The following MED12L variants were observed in gnomAD, a reference collection of about 807,000 sequenced individuals.
The protein encoded by MED12L is mediator of RNA polymerase II transcription subunit 12-like protein.
Under a neutral mutation model 281.3 loss-of-function variants are expected in MED12L, and 60 were observed. That is an observed-to-expected ratio of 0.21 (90% CI 0.17 to 0.26). MED12L has a LOEUF of 0.26. Among genes scored for constraint, MED12L ranks in the 10% least tolerant of loss-of-function variants. MED12L has a pLI of 1.00. For missense variants in MED12L, 2,146 were observed against 2,680.9 expected (o/e 0.80, Z 4.41); for synonymous variants, 974 against 987.2 (o/e 0.99, Z 0.25).
At chr3:151,189,796 G>A (rs1447151686) in intron 13 of MED12L, among the ~76,000 whole-genome samples, 1 of 152,128 alleles carries the variant, frequency 6.6e-6, no homozygotes, top group Non-Finnish European at 1.5e-5. Flanking sequence ...TCTTAAAGGT[G>A]TAGTCACAAA....
At chr3:151,089,061 T>G (rs1719669388) in intron 2 of MED12L, among the ~76,000 whole-genome samples, 1 of 152,166 alleles carries the variant, frequency 6.6e-6, no homozygotes, top group African/African-American at 2.4e-5. Context: ...TCCCTCAAGA[T>G]TTCTACCCTA....
intron 16 of MED12L, among the ~76,000 whole-genome samples, chr3:151,277,381 C>T (rs948380939): frequency 2.6e-5 from 4 of 151,834 alleles, no homozygotes; most frequent in African/African-American, 7.3e-5. Flanking sequence ...TGGTATTTTC[C>T]GAGTGCATTG....
chr3:151,278,143 C>T (rs764223870), intron 16 of MED12L: 1 of 152,154 alleles, frequency 6.6e-6, no homozygotes, highest in Non-Finnish European at 1.5e-5. Context: ...AGTTGTCAAA[C>T]AAAAAGTAAC....
rs972749298 is a variant in MED12L at position 151,156,076 on chromosome 3, G to A, written c.557-85G>A. On this transcript the variant is annotated intron_variant, in intron 5 of 44. Coordinates refer to ENST00000687756, the MANE Select transcript of MED12L (RefSeq NM_001393769.1). ...ATGTTTGTTTTATCAGTACACCCTC[G>A]AGATAATCAGAATGGGGAAGAAAAC... 22 of 1,178,946 alleles carry A rather than the reference G, an allele frequency of 1.9e-5. 1 individual carries two copies. The Admixed American group carries it at 2.3e-4, about 12-fold the overall frequency. 73.0% of individuals were successfully genotyped at this position (1,178,946 alleles called of 1,614,324 possible).
At chr3:151,117,758 T>C (rs1336147968) in intron 3 of MED12L, among the ~76,000 whole-genome samples, 3 of 151,918 alleles carry the variant, frequency 2.0e-5, no homozygotes, top group African/African-American at 7.3e-5. Flanking sequence ...AAAAAATTTT[T>C]TTAAAATTAA....
intron 1 of MED12L, 107 bp from the exon 2 acceptor site, chr3:151,086,691 C>G: frequency 2.6e-6 from 1 of 377,860 alleles, no homozygotes; most frequent in Non-Finnish European, 4.8e-6. Flanking sequence ...GCGGTGCGTC[C>G]CGGGGCTCGA....
chr3:151,331,760 T>C (rs952760545), intron 16 of MED12L, among the ~76,000 whole-genome samples: 1 of 152,210 alleles, frequency 6.6e-6, no homozygotes, highest in Non-Finnish European at 1.5e-5. Flanking sequence ...CTATACTGTT[T>C]TAAGTGATTA....
intron 16 of MED12L, among the ~76,000 whole-genome samples, chr3:151,307,264 A>G (rs2149755900): frequency 6.6e-6 from 1 of 152,326 alleles, no homozygotes; most frequent in East Asian, 1.9e-4. Context: ...CTGGGGAAAG[A>G]GGCAGATTAC....
At position 151,372,483 on chromosome 3, in the gene MED12L, C is replaced by G. The variant is rs144356752; in HGVS notation, c.3665-84C>G. 575 of 978,404 alleles carry G rather than the reference C, an allele frequency of 5.9e-4. 6 individuals carry two copies. In the African/African-American group the frequency reaches 7.9e-3, roughly 13 times the overall value. 60.6% of individuals were successfully genotyped at this position (978,404 alleles called of 1,614,324 possible). A position where few individuals can be genotyped will look rare whatever the true frequency, so the allele number is the denominator to read the frequency against. On this transcript the variant is annotated intron_variant, in intron 26 of 44. Transcript: ENST00000687756. ...AATACTGTTCATATATTTTAAATCC[C>G]TGAATGCTATCCTCATTTGCTCCTC...
chr3:151,294,895 A>G, intron 16 of MED12L: 2 of 1,614,070 alleles, frequency 1.2e-6, no homozygotes, highest in Non-Finnish European at 1.7e-6. Context: ...ACAAAACTGA[A>G]GTGTATCTGC....
chr3:151,333,888 G>A (rs1577354400), intron 16 of MED12L, among the ~76,000 whole-genome samples: 1 of 151,588 alleles, frequency 6.6e-6, no homozygotes, highest in African/African-American at 2.4e-5. Context: ...GACCAGCCTG[G>A]CCAAGATGGT....
intron 16 of MED12L, among the ~76,000 whole-genome samples, chr3:151,320,691 T>C (rs1385934834): frequency 6.6e-6 from 1 of 152,176 alleles, no homozygotes; most frequent in African/African-American, 2.4e-5. Context: ...GGAGATTGAG[T>C]CTGGAGATAA....
intron 11 of MED12L, among the ~76,000 whole-genome samples, chr3:151,176,633 T>C (rs1320116310): frequency 1.2e-4 from 3 of 25,184 alleles, no homozygotes; most frequent in Non-Finnish European, 2.3e-4. Flanking sequence ...TCTGGGTGGG[T>C]GGGGGTGGGG....
chr3:151,169,643 A>T (rs1721175843), intron 11 of MED12L, among the ~76,000 whole-genome samples: 2 of 152,206 alleles, frequency 1.3e-5, no homozygotes, highest in South Asian at 4.1e-4. Context: ...TGTTTTAAAA[A>T]TTGTTAACAA....
chr3:151,102,796 A>G (rs372808185), intron 2 of MED12L, among the ~76,000 whole-genome samples: 12 of 152,258 alleles, frequency 7.9e-5, no homozygotes, highest in African/African-American at 2.2e-4. Context: ...TGAATTTGCA[A>G]TACATTTGGT....
chr3:151,387,674 C>T (rs1488980938), intron 36 of MED12L, 136 bp from the exon 37 acceptor site: 13 of 976,312 alleles, frequency 1.3e-5, no homozygotes, highest in Non-Finnish European at 1.8e-5. Context: ...GCTGTGTAAC[C>T]CTCTCTGCTG....
At chr3:151,095,968 G>A (rs1720658228) in intron 2 of MED12L, among the ~76,000 whole-genome samples, 1 of 152,190 alleles carries the variant, frequency 6.6e-6, no homozygotes, top group Non-Finnish European at 1.5e-5. Flanking sequence ...ATGAAAATCT[G>A]GACTCCTGGA....
chr3:151,128,774 C>T (rs1576787150), intron 5 of MED12L, among the ~76,000 whole-genome samples: 1 of 152,142 alleles, frequency 6.6e-6, no homozygotes, highest in East Asian at 1.9e-4. Context: ...ATTCAATGTC[C>T]ATCTCAATAT....
chr3:151,235,260 A>G (rs1732496647), intron 16 of MED12L, among the ~76,000 whole-genome samples: 1 of 152,162 alleles, frequency 6.6e-6, no homozygotes, highest in South Asian at 2.1e-4. Flanking sequence ...AAATTGTGAA[A>G]GATTTCTGGA....
Sources: allele counts gnomAD v4.1 joint callset (sites outside exome capture counted in the v4.1 genomes callset), GRCh38; gene constraint gnomAD v4.1.1; transcripts MANE v1.5; gene names NCBI Gene and HGNC (gene_info 2026-07-23, HGNC 2026-07-21).